POTEF: variants seen among roughly 807,000 people sequenced by gnomAD.
POTEF encodes the protein POTE ankyrin domain family member F, also known as ANKRD26-like family C member 1B.
In POTEF, 20 loss-of-function variants were observed where a neutral mutation model predicts 83.2. That is an observed-to-expected ratio of 0.24 (90% CI 0.17 to 0.35). The LOEUF (loss-of-function observed/expected upper bound fraction) is 0.35, where lower values mean the gene tolerates loss of function less well. Ranked by LOEUF, POTEF falls within the 10% of genes least tolerant of loss-of-function variation. The pLI is 1.00. For missense variants in POTEF, 550 were observed against 1,203.2 expected (o/e 0.46, Z 8.03); for synonymous variants, 196 against 446.4 (o/e 0.44, Z 7.07).
At chr2:130,102,914 GAACCTAAATGA>G (rs1684413922) in intron 8 of POTEF, among the ~76,000 whole-genome samples, 2 of 151,446 alleles carry the variant, frequency 1.3e-5, no homozygotes, top group Non-Finnish European at 2.9e-5. Context: ...GAGCTGTTGC[GAACCTAAATGA>G]AATCCTCCTG....
At chr2:130,122,713 G>A (rs1390951961) in intron 2 of POTEF, among the ~76,000 whole-genome samples, 3 of 150,868 alleles carry the variant, frequency 2.0e-5, no homozygotes, top group Non-Finnish European at 2.9e-5. Flanking sequence ...TCATCAATGT[G>A]CTATAATTTT....
At chr2:130,100,989 A>C (rs1684356153) in intron 9 of POTEF, among the ~76,000 whole-genome samples, 1 of 148,626 alleles carries the variant, frequency 6.7e-6, no homozygotes, top group Non-Finnish European at 1.5e-5. Flanking sequence ...ATGAAGAAAA[A>C]AAACGTGAAC....
chr2:130,075,970 A>T (rs1330362774), intron 16 of POTEF, among the ~76,000 whole-genome samples: 2 of 144,822 alleles, frequency 1.4e-5, no homozygotes, highest in East Asian at 2.0e-4. Flanking sequence ...TTAGGTTTAC[A>T]CTCTGATATC....
intron 7 of POTEF, among the ~76,000 whole-genome samples, chr2:130,108,724 A>G (rs62163062): frequency 1.5e-4 from 22 of 148,004 alleles, no homozygotes; most frequent in African/African-American, 3.0e-4. Context: ...GTCATAGTTT[A>G]TAACTAAATT....
chr2:130,127,533 C>T (rs1375440379), intron 2 of POTEF, among the ~76,000 whole-genome samples, 176 bp downstream of exon 2: 1 of 151,042 alleles, frequency 6.6e-6, no homozygotes, highest in Non-Finnish European at 1.5e-5. Flanking sequence ...CCAGCAGGTT[C>T]GTCCCCACCC....
chr2:130,120,762 C>G (rs1684981849), intron 2 of POTEF, 154 bp from the exon 3 acceptor site: 2 of 754,840 alleles, frequency 2.6e-6, no homozygotes, highest in African/African-American at 4.0e-5. Context: ...AAAGGGCCAA[C>G]CCCCGCCCCC....
intron 2 of POTEF, among the ~76,000 whole-genome samples, chr2:130,122,145 TTAA>T (rs1459475914): frequency 6.9e-6 from 1 of 145,456 alleles, no homozygotes; most frequent in Non-Finnish European, 1.5e-5. Flanking sequence ...GGAGCATGTA[TTAA>T]TATGTTTTTC....
chr2:130,118,918 T>C (rs893470312), intron 3 of POTEF, among the ~76,000 whole-genome samples: 10 of 150,620 alleles, frequency 6.6e-5, no homozygotes, highest in African/African-American at 2.4e-4. Context: ...ATTCTTAACA[T>C]ATATTTGGGT....
At chr2:130,102,739 G>A (rs371126302) in intron 8 of POTEF, among the ~76,000 whole-genome samples, 6 of 151,170 alleles carry the variant, frequency 4.0e-5, no homozygotes, top group African/African-American at 1.5e-4. Context: ...CATACTATTC[G>A]CAAGTTCCTG....
Position 130,129,142 on chromosome 2 carries a change from G to A in POTEF, c.-320C>T, listed in dbSNP as rs1279217489. On this transcript the variant is annotated 5_prime_UTR_variant, in exon 1 of 17. Coordinates refer to ENST00000409914, the MANE Select transcript of POTEF (RefSeq NM_001099771.2). ...ACGTCACCACCAAACACAGCAAGGCGAGCCCCAGGGGCTCAGGCTCCAGCC... is the reference window on the plus strand; with the variant it reads ...ACGTCACCACCAAACACAGCAAGGCAAGCCCCAGGGGCTCAGGCTCCAGCC... 1 of 89,228 alleles carries A rather than the reference G, an allele frequency of 1.1e-5. No individual in the cohort carries two copies. The highest frequency in any genetic ancestry group is 2.3e-5 in the Non-Finnish European group (1 of 43,592). 5.5% of individuals were successfully genotyped at this position (89,228 alleles called of 1,614,324 possible).
rs1685175940 is a variant in POTEF, at chr2:130,129,130, A to AC, written c.-309dup. 1.1e-5 allele frequency: 1 copy of AC among 91,706 alleles called. No individual in the cohort carries two copies. The highest frequency in any genetic ancestry group is 4.6e-5 in the African/African-American group (1 of 21,782). 5.7% of individuals were successfully genotyped at this position (91,706 alleles called of 1,614,324 possible). ...CTGCAGTGTCCCACGTCACCACCAAACACAGCAAGGCGAGCCCCAGGGGCT... is the reference window on the plus strand; with the variant it reads ...CTGCAGTGTCCCACGTCACCACCAAACCACAGCAAGGCGAGCCCCAGGGGCT... On this transcript the variant is annotated 5_prime_UTR_variant, in exon 1 of 17. Coordinates refer to ENST00000409914, the MANE Select transcript of POTEF (RefSeq NM_001099771.2).
chr2:130,119,205 C>T (rs1422305319), intron 3 of POTEF, among the ~76,000 whole-genome samples: 1 of 151,120 alleles, frequency 6.6e-6, no homozygotes, highest in Non-Finnish European at 1.5e-5. Context: ...GCTCTGTTGC[C>T]CAGGCTGGAG....
In POTEF at chr2:130,108,029, G is replaced by A. The variant is rs777914427; in HGVS notation, c.1106C>T (p.Ser369Phe). The A allele has an allele frequency of 1.1e-5, 17 of 1,604,502 alleles. No individual in the cohort carries two copies. In the South Asian group the frequency reaches 1.9e-4, roughly 18 times the overall value. Reference protein sequence around the residue: ...DYKEKQMLKISSENSNPEQDL... With the variant: ...DYKEKQMLKIFSENSNPEQDL... ...CTTACCTGGATTGCTGTTTTCAGAA[G>A]AGATTTTTAGCATCTGTTTTTCTTT... The change falls in exon 8 of 17, where the codon TCT becomes TTT. Residue 369 changes from serine (S) to phenylalanine (F), a missense_variant. Physicochemically the swap from Ser to Phe is radical, Grantham distance 155. Transcript: ENST00000409914.
At chr2:130,123,456 CCT>C (rs1281946022) in intron 2 of POTEF, among the ~76,000 whole-genome samples, 1 of 152,050 alleles carries the variant, frequency 6.6e-6, no homozygotes, top group Non-Finnish European at 1.5e-5. Flanking sequence ...GCACAAACTC[CCT>C]CTCTCATGAG....
At chr2:130,114,612 T>C (rs540292073) in intron 5 of POTEF, among the ~76,000 whole-genome samples, 3 of 149,092 alleles carry the variant, frequency 2.0e-5, no homozygotes, top group East Asian at 2.0e-4. Context: ...GAGGGAAAAA[T>C]TGAAAAATAG....
intron 2 of POTEF, among the ~76,000 whole-genome samples, chr2:130,126,533 C>T (rs1277231966): frequency 1.3e-5 from 2 of 152,018 alleles, no homozygotes; most frequent in Non-Finnish European, 2.9e-5. Context: ...CCATTTATGC[C>T]AGAGGCTGCA....
At chr2:130,108,339 G>T (rs1471659252) in intron 7 of POTEF, among the ~76,000 whole-genome samples, 1 of 151,812 alleles carries the variant, frequency 6.6e-6, no homozygotes, top group East Asian at 1.9e-4. Flanking sequence ...TGACATAATA[G>T]AAAGTGTCCC....
rs535624261 is a variant in POTEF, at chr2:130,122,069, C to A, written c.-93-1461G>T. ...TCTGGACATTTCATGTAAGTGGAAT[C>A]ATAATAATATAGTTACGTGTGACTT... On this transcript the variant is annotated intron_variant, in intron 2 of 16. Coordinates refer to ENST00000409914, the MANE Select transcript of POTEF (RefSeq NM_001099771.2). 2.6e-3 allele frequency among the ~76,000 whole-genome samples: 386 copies of A among 151,254 alleles called. 2 individuals carry two copies. The highest frequency in any genetic ancestry group is 4.3e-3 in the Non-Finnish European group (295 of 67,852).
In POTEF at chr2:130,120,125, G is replaced by A; in HGVS notation, c.391C>T (p.Pro131Ser). ...TCTTCTCCACGGACGTGGTACCTGG[G>A]CTCCATGAAGGCACTGTCATCGTAG... Reference protein sequence around the residue: ...GDYDDSAFMEPRYHVRGEDLD... With the variant: ...GDYDDSAFMESRYHVRGEDLD... The change falls in exon 3 of 17, where the codon CCC (proline) becomes TCC (serine). Residue 131 changes from proline (P) to serine (S), a missense_variant. Transcript: ENST00000409914. 6.2e-7 allele frequency: 1 copy of A among 1,608,730 alleles called. No homozygotes were observed. Among genetic ancestry groups the A allele is most frequent in the South Asian group, 1.1e-5 (1 of 90,850 alleles).
Sources: gnomAD v4.1 joint callset for allele counts (sites outside exome capture counted in the v4.1 genomes callset) on GRCh38, gnomAD v4.1.1 for gene constraint, MANE v1.5 for transcripts, NCBI Gene and HGNC (gene_info 2026-07-23, HGNC 2026-07-21) for gene names.